Variants in NPC1L1 observed in about 807,000 individuals in gnomAD.
NPC1L1 encodes the protein NPC1-like intracellular cholesterol transporter 1.
In NPC1L1, 98 loss-of-function variants were observed where a neutral mutation model predicts 117.0. The ratio of observed to expected loss-of-function variants is 0.84; its 90% CI spans 0.71 to 0.99. NPC1L1 has a LOEUF of 0.99. Among genes scored for constraint, NPC1L1 ranks in the 50% least tolerant of loss-of-function variants. The pLI is 0.00. For synonymous variants in NPC1L1, 729 were observed against 727.6 expected, an observed-to-expected ratio of 1.00 and a Z score of -0.03; for missense variants, 1,540 against 1,710.0, an observed-to-expected ratio of 0.90 and a Z score of 1.75.
At chr7:44,531,013 C>T (rs1320985847) in intron 10 of NPC1L1, among the ~76,000 whole-genome samples, 1 of 152,234 alleles carries the variant, frequency 6.6e-6, no homozygotes, top group Non-Finnish European at 1.5e-5. Context: ...GGGACCTAGA[C>T]ATCGAGTCCC....
At position 44,538,930 on chromosome 7, in the gene NPC1L1, G is replaced by A. The variant is rs775677265; in HGVS notation, c.1467C>T (p.Ser489=). 33 of 1,614,118 alleles carry A rather than the reference G, an allele frequency of 2.0e-5. No individual in the cohort carries two copies. The highest frequency in any genetic ancestry group is 1.4e-5 in the Non-Finnish European group (16 of 1,180,038). Residue 489 remains serine (S), a synonymous_variant, in exon 2 of 19, where the codon AGC becomes AGT. Coordinates refer to ENST00000381160, the MANE Select transcript of NPC1L1 (RefSeq NM_001101648.2). The surrounding 1 kb of genome is among the most constrained non-coding windows in gnomAD (Gnocchi z 5.9). ...GGTTGTTCTGGAAATACTGCAGGAG[G>A]CTGTTGATGCAGCAGTCGTAGAGAC... The part of the protein sequence containing the change: ...NTSLYDCCIN[S]LLQYFQNNRT...
At chr7:44,531,988 C>T in intron 9 of NPC1L1, 92 bp downstream of exon 9, 3 of 1,589,388 alleles carry the variant, frequency 1.9e-6, no homozygotes, top group Non-Finnish European at 2.6e-6. Context: ...AGCATTTGGG[C>T]CTAGGCAACC....
chr7:44,521,628 G>A (rs1198628513), intron 12 of NPC1L1, 84 bp downstream of exon 12: 1 of 1,598,196 alleles, frequency 6.3e-7, no homozygotes, highest in Non-Finnish European at 8.6e-7. Context: ...AGAGGTTGAG[G>A]GAGCCTCTCC....
intron 10 of NPC1L1, among the ~76,000 whole-genome samples, chr7:44,529,559 G>A (rs1449586135): frequency 6.6e-6 from 1 of 151,632 alleles, no homozygotes; most frequent in Non-Finnish European, 1.5e-5. Context: ...TGTATTTTTA[G>A]TAGAGATGGG....
In NPC1L1 at chr7:44,533,681, GC is replaced by G; in HGVS notation, c.2281+57del. ...CCCACTGCCCTCTGGGAACTCCTAG[GC>G]CCCGGCACTAACCCAGCAAGCCTAA... On this transcript the variant is annotated intron_variant, in intron 7 of 18. Coordinates refer to ENST00000381160, the MANE Select transcript of NPC1L1 (RefSeq NM_001101648.2). The G allele has an allele frequency of 1.9e-6, 3 of 1,606,816 alleles. No individual in the cohort carries two copies. The South Asian group carries it at 3.3e-5, about 18-fold the overall frequency.
chr7:44,538,979 G>T lies in NPC1L1; in HGVS notation c.1418C>A (p.Ala473Asp), dbSNP rs1390043104. 1.2e-6 allele frequency: 2 copies of T among 1,614,104 alleles called. No homozygotes were observed. The highest frequency in any genetic ancestry group is 1.7e-6 in the Non-Finnish European group (2 of 1,180,048). ...ACTGGTATTGTCCGGATTGAGGGGGGCGTAGCAGATGTCCTGCAGGGAGAT... is the reference window on the plus strand; with the variant it reads ...ACTGGTATTGTCCGGATTGAGGGGGTCGTAGCAGATGTCCTGCAGGGAGAT... ...RNISLQDICYAPLNPDNTSLY... is the reference protein window; with the variant it reads ...RNISLQDICYDPLNPDNTSLY... Residue 473 changes from alanine to aspartate, a missense_variant, in exon 2 of 19, where the codon GCC becomes GAC. This residue lies in a region of NPC1L1 where 793 missense variants were observed against 820.4 expected (regional missense o/e 0.97). Transcript: ENST00000381160. The surrounding 1 kb of genome is among the most constrained non-coding windows in gnomAD (Gnocchi z 5.9).
At chr7:44,516,999 C>T (rs1019436713) in intron 15 of NPC1L1, 65 bp from the exon 16 acceptor site, 5 of 1,507,612 alleles carry the variant, frequency 3.3e-6, no homozygotes, top group Admixed American at 1.8e-5. Context: ...GGTGGGACAC[C>T]CCACTTCAGA....
At chr7:44,531,152 G>A (rs1387036471) in intron 10 of NPC1L1, among the ~76,000 whole-genome samples, 2 of 152,208 alleles carry the variant, frequency 1.3e-5, no homozygotes, top group African/African-American at 2.4e-5. Context: ...CAGAGGAGCC[G>A]GGTCCCCAGC....
intron 10 of NPC1L1, among the ~76,000 whole-genome samples, chr7:44,524,627 C>A (rs938802573): frequency 1.6e-4 from 25 of 152,148 alleles, no homozygotes; most frequent in African/African-American, 5.8e-4. Flanking sequence ...TGGTGGCAGG[C>A]ACCTGTAATC....
At position 44,539,019 on chromosome 7, in the gene NPC1L1, C is replaced by T. The variant is rs773806410; in HGVS notation, c.1378G>A (p.Glu460Lys). 4.2e-5 allele frequency: 68 copies of T among 1,613,978 alleles called. No individual in the cohort carries two copies. In the East Asian group the frequency reaches 8.0e-4, roughly 19 times the overall value. ...RLRHLQVWSP[E>K]AQRNISLQDI... ...TGCAGGGAGATGTTGCGCTGTGCTT[C>T]GGGCGACCATACCTGGAGGTGCCGC... Residue 460 changes from glutamate to lysine, a missense_variant, in exon 2 of 19, where the codon GAA becomes AAA. Physicochemically the swap from Glu to Lys is moderately conservative, Grantham distance 56 (BLOSUM62 1). This residue lies in a region of NPC1L1 where 793 missense variants were observed against 820.4 expected (regional missense o/e 0.97). Transcript: ENST00000381160. The surrounding 1 kb of genome is among the most constrained non-coding windows in gnomAD (Gnocchi z 4.4).
Position 44,534,161 on chromosome 7 carries a change from C to T in NPC1L1, c.2166+286G>A, listed in dbSNP as rs73692151. ...GATTTATCCTTACCATGGAATGCTA[C>T]CTAGCAGCATAAAGACAGGAGGAGG... On this transcript the variant is annotated intron_variant, in intron 6 of 18. Coordinates refer to ENST00000381160, the MANE Select transcript of NPC1L1 (RefSeq NM_001101648.2). The surrounding 1 kb of genome is among the most constrained non-coding windows in gnomAD (Gnocchi z 5.2). Among the ~76,000 whole-genome samples, 5,236 of 152,262 alleles carry T rather than the reference C, an allele frequency of 0.034. 300 individuals are homozygous for T. The highest frequency in any genetic ancestry group is 0.12 in the African/African-American group (4,813 of 41,522).
At chr7:44,524,467 T>C (rs563451048) in intron 10 of NPC1L1, among the ~76,000 whole-genome samples, 3 of 152,266 alleles carry the variant, frequency 2.0e-5, no homozygotes, top group Non-Finnish European at 4.4e-5. Context: ...TCAAAACAAT[T>C]GTCTCAGCCA....
chr7:44,540,222 A>G lies in NPC1L1; in HGVS notation c.175T>C (p.Ser59Pro). The part of the protein sequence containing the change: ...LMTLSNVSCL[S>P]NTPARKITGD... The stretch of plus-strand genomic sequence containing the variant: ...GTGATCTTGCGGGCCGGCGTGTTGG[A>G]CAGGCAGGACACGTTGGAGAGTGTC... Residue 59 changes from serine to proline, a missense_variant, in exon 2 of 19, where the codon TCC becomes CCC. Ser to Pro is a moderately conservative substitution (Grantham distance 74). Around this residue, in one of 3 missense-constraint regions of NPC1L1, gnomAD observed 793 missense variants for 820.4 expected, o/e 0.97. Coordinates refer to ENST00000381160, the MANE Select transcript of NPC1L1 (RefSeq NM_001101648.2). 3 of 1,613,972 alleles carry G rather than the reference A, an allele frequency of 1.9e-6. No individual in the cohort carries two copies. Among genetic ancestry groups the G allele is most frequent in the South Asian group, 1.1e-5 (1 of 91,070 alleles).
chr7:44,531,561 C>T (rs1235248005), intron 10 of NPC1L1, among the ~76,000 whole-genome samples, 194 bp downstream of exon 10: 1 of 152,206 alleles, frequency 6.6e-6, no homozygotes, highest in Non-Finnish European at 1.5e-5. Context: ...GGGGCTGGCA[C>T]CTGGCTGTTG....
rs751982215 is a variant in NPC1L1 at position 44,536,886 on chromosome 7, T to A, written c.1637A>T (p.Tyr546Phe). The change falls in exon 3 of 19, where the codon TAC becomes TTC. Residue 546 changes from tyrosine to phenylalanine, a missense_variant. Tyr to Phe is a conservative substitution (Grantham distance 22, BLOSUM62 3). Coordinates refer to ENST00000381160, the MANE Select transcript of NPC1L1 (RefSeq NM_001101648.2). The surrounding 1 kb of genome is among the most constrained non-coding windows in gnomAD (Gnocchi z 4.7). Reference protein sequence around the residue: ...TALALSCMADYGAPVFPFLAI... With the variant: ...TALALSCMADFGAPVFPFLAI... ...AAGGAAGGGGAAGACAGGGGCCCCG[T>A]AGTCAGCCATGCAGCTCAGGGCCAG... The A allele has an allele frequency of 1.2e-5, 20 of 1,613,926 alleles. No homozygotes were observed. Among genetic ancestry groups the A allele is most frequent in the Middle Eastern group, 1.6e-4 (1 of 6,072 alleles).
At chr7:44,520,602 A>T (rs1801322741) in intron 14 of NPC1L1, among the ~76,000 whole-genome samples, 163 bp downstream of exon 14, 1 of 152,130 alleles carries the variant, frequency 6.6e-6, no homozygotes, top group Non-Finnish European at 1.5e-5. Context: ...GTGAAGTCTG[A>T]GATGTGGAGC....
In NPC1L1 at chr7:44,534,560, C is replaced by G. The variant is rs199892952; in HGVS notation, c.2053G>C (p.Gly685Arg). 1.2e-6 allele frequency: 2 copies of G among 1,614,128 alleles called. No homozygotes were observed. The highest frequency in any genetic ancestry group is 1.7e-6 in the Non-Finnish European group (2 of 1,180,020). The change falls in exon 6 of 19, where the codon GGC (glycine) becomes CGC (arginine). Residue 685 changes from glycine to arginine, a missense_variant. Transcript: ENST00000381160. The surrounding 1 kb of genome is among the most constrained non-coding windows in gnomAD (Gnocchi z 5.2). ...VVLGAVMAAM[G>R]FFSYLGIRSS... is the part of the protein sequence containing the mutation. ...CGGATACCCAAGTAGGAGAAGAAGCCCATGGCAGCCATGACTGCTCCCAGG... is the reference window on the plus strand; with the variant it reads ...CGGATACCCAAGTAGGAGAAGAAGCGCATGGCAGCCATGACTGCTCCCAGG...
At position 44,540,047 on chromosome 7, in the gene NPC1L1, G is replaced by C; in HGVS notation, c.350C>G (p.Ser117Cys). Residue 117 changes from serine to cysteine, a missense_variant, in exon 2 of 19, where the codon TCT becomes TGT. Ser to Cys is a moderately radical substitution (Grantham distance 112, BLOSUM62 -1). This residue lies in a region of NPC1L1 where 793 missense variants were observed against 820.4 expected (regional missense o/e 0.97). Coordinates refer to ENST00000381160, the MANE Select transcript of NPC1L1 (RefSeq NM_001101648.2). ...GCAGTGCAGGTTCACAAAATTGTCAGAGCAGGCTGGGCAGCGGGTGAGGAG... is the reference window on the plus strand; with the variant it reads ...GCAGTGCAGGTTCACAAAATTGTCACAGCAGGCTGGGCAGCGGGTGAGGAG... The part of the protein sequence containing the change: ...KALLTRCPAC[S>C]DNFVNLHCHN... The C allele has an allele frequency of 1.2e-6, 2 of 1,614,226 alleles. No homozygotes were observed. The highest frequency in any genetic ancestry group is 1.7e-6 in the Non-Finnish European group (2 of 1,180,048).
chr7:44,531,909 T>A, intron 9 of NPC1L1, 65 bp from the exon 10 acceptor site: 1 of 1,531,882 alleles, frequency 6.5e-7, no homozygotes, highest in African/African-American at 1.4e-5. Flanking sequence ...CCCCACAAAT[T>A]TAAGTCAGTC....
Sources: allele counts gnomAD v4.1 joint callset (sites outside exome capture counted in the v4.1 genomes callset), GRCh38; gene constraint gnomAD v4.1.1; regional missense constraint gnomAD v4.1.1; non-coding constraint Gnocchi (gnomAD v3.1); transcripts MANE v1.5; gene names NCBI Gene and HGNC (gene_info 2026-07-23, HGNC 2026-07-21).